Variants in COL21A1 observed in about 807,000 individuals in gnomAD.
COL21A1 encodes collagen type XXI alpha 1 chain.
A neutral mutation model predicts 137.9 loss-of-function variants in COL21A1; 149 were observed. That is an observed-to-expected ratio of 1.08 (90% CI 0.95 to 1.24). The LOEUF is 1.24. Ranked by LOEUF, COL21A1 falls within the 50% of genes most tolerant of loss-of-function variation. The pLI, the probability that COL21A1 is intolerant of heterozygous loss-of-function variation, is 0.00. For synonymous variants in COL21A1, 456 were observed against 391.5 expected, an observed-to-expected ratio of 1.16 and a Z score of -1.95; for missense variants, 1,167 against 1,158.4, an observed-to-expected ratio of 1.01 and a Z score of -0.11.
chr6:56,315,182 C>G (rs1463926815), intron 1 of COL21A1, among the ~76,000 whole-genome samples: 4 of 152,288 alleles, frequency 2.6e-5, no homozygotes, highest in Admixed American at 2.6e-4. Flanking sequence ...TATTCTGTTT[C>G]CTTTGAAGGA....
chr6:56,331,306 T>C (rs941586485), intron 1 of COL21A1, among the ~76,000 whole-genome samples: 3 of 151,996 alleles, frequency 2.0e-5, no homozygotes, highest in Non-Finnish European at 2.9e-5. Flanking sequence ...TGTCAATTTT[T>C]GTTTTTGTTG....
intron 1 of COL21A1, among the ~76,000 whole-genome samples, chr6:56,273,020 A>T (rs1250901875): frequency 1.3e-5 from 2 of 152,376 alleles, no homozygotes; most frequent in South Asian, 2.1e-4. Context: ...AATCAAAATC[A>T]TACCAACCAC....
intron 17 of COL21A1, among the ~76,000 whole-genome samples, chr6:56,080,774 CAT>C (rs1051285402): frequency 4.6e-5 from 7 of 151,906 alleles, no homozygotes; most frequent in Admixed American, 3.9e-4. Context: ...AAGTATATTA[CAT>C]GTTTTCTTCA....
At chr6:56,211,189 A>ATATATACATATATATG (rs1780148475) in intron 1 of COL21A1, among the ~76,000 whole-genome samples, 3 of 13,476 alleles carry the variant, frequency 2.2e-4, no homozygotes, top group Admixed American at 5.8e-4. Context: ...ATATATATGT[A>ATATATACATATATATG]TATATGTATA....
chr6:56,319,927 G>C (rs1764826893), intron 1 of COL21A1, among the ~76,000 whole-genome samples: 1 of 152,042 alleles, frequency 6.6e-6, no homozygotes, highest in African/African-American at 2.4e-5. Flanking sequence ...CAGATCAATA[G>C]TTAGACATGT....
chr6:56,120,833 C>A (rs1157754195), intron 16 of COL21A1, among the ~76,000 whole-genome samples: 1 of 151,528 alleles, frequency 6.6e-6, no homozygotes, highest in Non-Finnish European at 1.5e-5. Flanking sequence ...AATGGAGCTA[C>A]CATATGATCC....
At chr6:56,317,276 C>G (rs1440084753) in intron 1 of COL21A1, among the ~76,000 whole-genome samples, 1 of 152,130 alleles carries the variant, frequency 6.6e-6, no homozygotes, top group African/African-American at 2.4e-5. Flanking sequence ...AAACTAGAAT[C>G]TCAAAAATGA....
chr6:56,118,610 A>G (rs1772150968), intron 16 of COL21A1, among the ~76,000 whole-genome samples: 1 of 152,016 alleles, frequency 6.6e-6, no homozygotes, highest in South Asian at 2.1e-4. Context: ...ACCAAACCAG[A>G]CAAAAACATA....
chr6:56,100,924 T>TA (rs1179112549), intron 17 of COL21A1, among the ~76,000 whole-genome samples: 2 of 152,160 alleles, frequency 1.3e-5, no homozygotes, highest in East Asian at 3.9e-4. Flanking sequence ...TGAGGGTAGG[T>TA]ACCTTTGATG....
At chr6:56,146,388 T>A (rs911789020) in intron 10 of COL21A1, among the ~76,000 whole-genome samples, 2 of 152,178 alleles carry the variant, frequency 1.3e-5, no homozygotes, top group African/African-American at 4.8e-5. Flanking sequence ...CTCTATGCAA[T>A]TAAATTTCAA....
At chr6:56,226,072 G>A (rs957084216) in intron 1 of COL21A1, among the ~76,000 whole-genome samples, 1 of 151,980 alleles carries the variant, frequency 6.6e-6, no homozygotes, top group Admixed American at 6.6e-5. Flanking sequence ...AGTACAAATA[G>A]TACATAGAAT....
intron 1 of COL21A1, among the ~76,000 whole-genome samples, chr6:56,359,069 C>T (rs115993082): frequency 6.6e-6 from 1 of 152,130 alleles, no homozygotes; most frequent in Non-Finnish European, 1.5e-5. Flanking sequence ...AGTATTTAAA[C>T]TGACTATAAT....
chr6:56,362,838 A>G (rs1562072462), intron 1 of COL21A1, among the ~76,000 whole-genome samples: 1 of 152,122 alleles, frequency 6.6e-6, no homozygotes, highest in Non-Finnish European at 1.5e-5. Flanking sequence ...GTTTGATCCC[A>G]GGTCCCGGGC....
chr6:56,379,123 C>T (rs1407886765), intron 1 of COL21A1, among the ~76,000 whole-genome samples: 2 of 152,170 alleles, frequency 1.3e-5, no homozygotes, highest in Non-Finnish European at 2.9e-5. Flanking sequence ...CAAACAAGCC[C>T]AGACGGCGAA....
chr6:56,158,123 A>C (rs1775894420), intron 9 of COL21A1, among the ~76,000 whole-genome samples: 1 of 152,226 alleles, frequency 6.6e-6, no homozygotes, highest in African/African-American at 2.4e-5. Context: ...TATCATAGGT[A>C]TCTATCTCTG....
At chr6:56,086,090 T>G in intron 17 of COL21A1, among the ~76,000 whole-genome samples, 1 of 151,852 alleles carries the variant, frequency 6.6e-6, no homozygotes, top group Middle Eastern at 3.2e-3. Flanking sequence ...TTTACGATTA[T>G]CTACTAATTA....
Position 56,077,565 on chromosome 6 carries a change from TG to T in COL21A1, c.1820del (p.Pro607GlnfsTer9). On this transcript the variant is annotated frameshift_variant, in exon 18 of 30. Transcript: ENST00000244728. LOFTEE classifies it high-confidence loss of function. ...TTAATCCTCGGTTTCCAGGAAATCC[TG>T]GGATTCCCTAAAAACAAATAAAATA... ...QDGTRGEPGIPGFPGNRGLMG... is the reference protein window; with the variant it reads ...QDGTRGEPGIXGFPGNRGLMG... 1.3e-6 allele frequency: 2 copies of T among 1,570,282 alleles called. No homozygotes were observed. Among genetic ancestry groups the T allele is most frequent in the South Asian group, 1.2e-5 (1 of 84,536 alleles).
intron 1 of COL21A1, among the ~76,000 whole-genome samples, chr6:56,307,340 G>C (rs561243576): frequency 1.1e-4 from 16 of 152,338 alleles, no homozygotes; most frequent in Admixed American, 3.9e-4. Flanking sequence ...ACAGAGGAAG[G>C]CAGGCCTCCT....
chr6:56,259,433 T>C (rs929330564), intron 1 of COL21A1, among the ~76,000 whole-genome samples: 4 of 152,232 alleles, frequency 2.6e-5, no homozygotes, highest in African/African-American at 9.6e-5. Context: ...TCACTAATTA[T>C]GTATTTAAAT....
Sources: gnomAD v4.1 joint callset for allele counts (sites outside exome capture counted in the v4.1 genomes callset) on GRCh38, gnomAD v4.1.1 for gene constraint, MANE v1.5 for transcripts, NCBI Gene and HGNC (gene_info 2026-07-23, HGNC 2026-07-21) for gene names.